Variants in CSMD3 observed in about 807,000 individuals in gnomAD.
CSMD3 encodes the protein CUB and Sushi multiple domains 3.
A neutral mutation model predicts 435.2 loss-of-function variants in CSMD3; 177 were observed. The ratio of observed to expected loss-of-function variants is 0.41; its 90% CI spans 0.36 to 0.46. The LOEUF is 0.46. Ranked by LOEUF, CSMD3 falls within the 20% of genes least tolerant of loss-of-function variation. CSMD3 has a pLI of 0.34. For missense variants in CSMD3, 4,265 were observed against 4,504.6 expected (o/e 0.95, Z 1.52); for synonymous variants, 1,656 against 1,520.5 (o/e 1.09, Z -2.07).
intron 1 of CSMD3, among the ~76,000 whole-genome samples, chr8:113,318,401 T>C (rs1307903472): frequency 6.6e-6 from 1 of 152,176 alleles, no homozygotes; most frequent in Non-Finnish European, 1.5e-5. Flanking sequence ...TTACTGTAGC[T>C]ATCATCTCAC....
chr8:112,718,020 G>A (rs2076771716), intron 13 of CSMD3, among the ~76,000 whole-genome samples: 2 of 151,970 alleles, frequency 1.3e-5, no homozygotes, highest in Admixed American at 6.6e-5. Context: ...CATGGGTCAC[G>A]TATACTTAAG....
intron 8 of CSMD3, among the ~76,000 whole-genome samples, chr8:112,948,701 T>G (rs1340045831): frequency 1.3e-5 from 2 of 151,200 alleles, no homozygotes; most frequent in Non-Finnish European, 3.0e-5. Context: ...TTTTATCAAT[T>G]TACCTGCTTT....
intron 1 of CSMD3, among the ~76,000 whole-genome samples, chr8:113,348,311 A>G (rs967160433): frequency 9.2e-5 from 14 of 152,244 alleles, no homozygotes; most frequent in African/African-American, 2.9e-4. Flanking sequence ...AGAAAGGAAA[A>G]ATGGAAGCAC....
At chr8:112,457,965 A>T (rs988049431) in intron 32 of CSMD3, among the ~76,000 whole-genome samples, 16 of 152,076 alleles carry the variant, frequency 1.1e-4, no homozygotes, top group African/African-American at 3.9e-4. Context: ...GAAACATAGA[A>T]AATGTCCTCC....
At chr8:112,363,502 G>T (rs1445582522) in intron 38 of CSMD3, among the ~76,000 whole-genome samples, 23 of 151,836 alleles carry the variant, frequency 1.5e-4, no homozygotes, top group Admixed American at 1.5e-3. Flanking sequence ...AACATGAGAG[G>T]CTTCTTCTAT....
intron 1 of CSMD3, among the ~76,000 whole-genome samples, chr8:113,413,812 A>AT (rs1347395435): frequency 6.6e-6 from 1 of 152,126 alleles, no homozygotes; most frequent in Non-Finnish European, 1.5e-5. Context: ...GTAATGGAAG[A>AT]TTTTTTATTC....
chr8:113,293,015 C>A (rs1008339891), intron 2 of CSMD3, among the ~76,000 whole-genome samples: 3 of 151,728 alleles, frequency 2.0e-5, no homozygotes, highest in Non-Finnish European at 4.4e-5. Context: ...TCCTTCTAAA[C>A]ACATTATCTT....
intron 1 of CSMD3, among the ~76,000 whole-genome samples, chr8:113,343,484 G>A (rs2094133242): frequency 6.6e-6 from 1 of 152,154 alleles, no homozygotes; most frequent in African/African-American, 2.4e-5. Flanking sequence ...GGGACTTGTA[G>A]TCCAGTGTCA....
intron 4 of CSMD3, among the ~76,000 whole-genome samples, chr8:113,155,121 G>A (rs2091905709): frequency 6.6e-6 from 1 of 152,098 alleles, no homozygotes; most frequent in Middle Eastern, 3.4e-3. Flanking sequence ...AATAGTTACT[G>A]TAAAGCAACA....
At chr8:113,338,336 A>C in intron 1 of CSMD3, among the ~76,000 whole-genome samples, 1 of 151,938 alleles carries the variant, frequency 6.6e-6, no homozygotes, top group East Asian at 1.9e-4. Flanking sequence ...CAAATTCCTC[A>C]ATAGATTATA....
At chr8:113,086,507 ATT>A (rs2089784880) in intron 5 of CSMD3, among the ~76,000 whole-genome samples, 1 of 19,680 alleles carries the variant, frequency 5.1e-5, no homozygotes, top group Non-Finnish European at 6.9e-5. Context: ...GGCAAAATAA[ATT>A]CAAAATATAT....
chr8:112,853,401 T>G (rs2080552049), intron 11 of CSMD3, among the ~76,000 whole-genome samples: 1 of 152,106 alleles, frequency 6.6e-6, no homozygotes, highest in South Asian at 2.1e-4. Flanking sequence ...AATTTTTGTA[T>G]TTTTAGTAGA....
intron 4 of CSMD3, among the ~76,000 whole-genome samples, chr8:113,145,571 G>A (rs986408927): frequency 6.6e-6 from 1 of 151,526 alleles, no homozygotes; most frequent in Non-Finnish European, 1.5e-5. Context: ...TTGATGGAGA[G>A]TAATATTAGT....
chr8:112,824,309 G>A (rs543192945), intron 12 of CSMD3, among the ~76,000 whole-genome samples: 1 of 152,190 alleles, frequency 6.6e-6, no homozygotes, highest in South Asian at 2.1e-4. Flanking sequence ...TACATTTAAG[G>A]TTAGTATTGT....
Position 113,140,156 on chromosome 8 carries a change from G to A in CSMD3, c.709+33566C>T, listed in dbSNP as rs146892869. 1.8e-4 allele frequency among the ~76,000 whole-genome samples: 27 copies of A among 150,632 alleles called. 1 individual carries two copies. The highest frequency in any genetic ancestry group is 1.6e-3 in the Admixed American group (24 of 15,034). On this transcript the variant is annotated intron_variant, in intron 4 of 70. Transcript: ENST00000297405. ...CAAGAAAATTACCAGACGCAGAAAC[G>A]GACATTATATATAATGATATAGGGA...
At chr8:112,556,392 C>T (rs1367292969) in intron 25 of CSMD3, among the ~76,000 whole-genome samples, 2 of 151,708 alleles carry the variant, frequency 1.3e-5, no homozygotes, top group African/African-American at 4.8e-5. Context: ...ACCTTGATTC[C>T]ACAATAGGTA....
At chr8:112,410,638 GTATATATATA>G (rs1405406537) in intron 32 of CSMD3, among the ~76,000 whole-genome samples, 706 of 49,468 alleles carry the variant, frequency 0.014, 19 homozygotes, top group Middle Eastern at 0.028. Context: ...GTATATATAT[GTATATATATA>G]TGTGTATATA....
At chr8:112,715,552 G>T (rs1283337660) in intron 13 of CSMD3, among the ~76,000 whole-genome samples, 1 of 152,196 alleles carries the variant, frequency 6.6e-6, no homozygotes, top group Non-Finnish European at 1.5e-5. Context: ...GAAAAGGAGA[G>T]TCTCCTCCCT....
At chr8:113,011,663 T>C (rs2131129716) in intron 6 of CSMD3, among the ~76,000 whole-genome samples, 1 of 151,932 alleles carries the variant, frequency 6.6e-6, no homozygotes, top group African/African-American at 2.4e-5. Context: ...TAAATTAAAT[T>C]AATGAATTTT....
Sources: gnomAD v4.1 joint callset for allele counts (sites outside exome capture counted in the v4.1 genomes callset) on GRCh38, gnomAD v4.1.1 for gene constraint, MANE v1.5 for transcripts, NCBI Gene and HGNC (gene_info 2026-07-23, HGNC 2026-07-21) for gene names.